Variants in RAB27B observed in about 807,000 individuals in gnomAD.
The protein encoded by RAB27B is RAB27B, member RAS oncogene family, also known as ras-related protein Rab-27B.
RAB27B carries 15 observed loss-of-function variants against 24.6 expected under a neutral mutation model. That is an observed-to-expected ratio of 0.61 (90% confidence interval 0.41 to 0.94). The LOEUF is 0.94. Among genes scored for constraint, RAB27B ranks in the 40% least tolerant of loss-of-function variants. The pLI is 0.00. For synonymous variants in RAB27B, 105 were observed against 92.5 expected, an observed-to-expected ratio of 1.14 and a Z score of -0.78; for missense variants, 261 against 266.8, an observed-to-expected ratio of 0.98 and a Z score of 0.15.
chr18:54,834,299 G>T (rs1400194855), intron 1 of RAB27B, among the ~76,000 whole-genome samples: 1 of 152,168 alleles, frequency 6.6e-6, no homozygotes, highest in Non-Finnish European at 1.5e-5. Flanking sequence ...TTCATAGAAA[G>T]GAGATATAGA....
chr18:54,736,734 G>A (rs920921929), intron 2 of RAB27B, among the ~76,000 whole-genome samples: 2 of 152,104 alleles, frequency 1.3e-5, no homozygotes, highest in African/African-American at 4.8e-5. Flanking sequence ...GCTAAGGGGG[G>A]TTTTGGAGGG....
At chr18:54,812,765 A>G (rs1385113424) in intron 2 of RAB27B, among the ~76,000 whole-genome samples, 3 of 152,230 alleles carry the variant, frequency 2.0e-5, no homozygotes, top group Non-Finnish European at 4.4e-5. Context: ...ATGAAATACT[A>G]GAATAATTTA....
intron 1 of RAB27B, among the ~76,000 whole-genome samples, chr18:54,844,408 CTTTT>C (rs148747981): frequency 1.5e-3 from 162 of 107,868 alleles, no homozygotes; most frequent in Middle Eastern, 4.5e-3. Context: ...CTTTTCTTTT[CTTTT>C]TTTTTTTTTT....
intron 1 of RAB27B, among the ~76,000 whole-genome samples, chr18:54,831,720 C>T (rs986740122): frequency 5.2e-4 from 79 of 151,954 alleles, no homozygotes; most frequent in African/African-American, 1.9e-3. Context: ...TGAGAGTGAC[C>T]TGAAGGGGAC....
intron 1 of RAB27B, among the ~76,000 whole-genome samples, chr18:54,850,486 C>T (rs1046321447): frequency 2.0e-5 from 3 of 150,970 alleles, no homozygotes; most frequent in Non-Finnish European, 3.0e-5. Flanking sequence ...ATTCTCTCAG[C>T]CTCCCAAATA....
intron 2 of RAB27B, among the ~76,000 whole-genome samples, chr18:54,760,019 C>T (rs1182992276): frequency 6.6e-6 from 1 of 152,162 alleles, no homozygotes; most frequent in Non-Finnish European, 1.5e-5. Flanking sequence ...GACTGTCAAA[C>T]CGAGCTGTTA....
upstream of RAB27B, among the ~76,000 whole-genome samples, chr18:54,826,251 G>A (rs971588966): frequency 6.6e-6 from 1 of 152,128 alleles, no homozygotes; most frequent in Non-Finnish European, 1.5e-5. Flanking sequence ...CTTAAGTTAT[G>A]CTACATAAAC....
At position 54,879,393 on chromosome 18, in the gene RAB27B, G is replaced by A. The variant is rs1912831845; in HGVS notation, c.178G>A (p.Gly60Arg). The A allele has an allele frequency of 6.2e-7, 1 of 1,612,612 alleles. No homozygotes were observed. The highest frequency in any genetic ancestry group is 1.1e-5 in the South Asian group (1 of 91,040). ...GGTTTATAATGCACAAGGACCGAAT[G>A]GATCTTCAGGGAAAGCATTTAAAGT... ...RVVYNAQGPN[G>R]SSGKAFKVHL... The change falls in exon 3 of 6, where the codon GGA becomes AGA. Residue 60 changes from glycine to arginine, a missense_variant. Transcript: ENST00000262094.
chr18:54,857,036 G>A (rs1490949403), intron 1 of RAB27B, among the ~76,000 whole-genome samples: 1 of 152,058 alleles, frequency 6.6e-6, no homozygotes, highest in Non-Finnish European at 1.5e-5. Flanking sequence ...TGGGTTTAGG[G>A]ATCTACATGC....
intron 2 of RAB27B, among the ~76,000 whole-genome samples, chr18:54,756,676 A>G (rs1908014930): frequency 6.6e-6 from 1 of 152,088 alleles, no homozygotes; most frequent in South Asian, 2.1e-4. Flanking sequence ...ACTTTGATGT[A>G]TATTTGTCTG....
In RAB27B at chr18:54,833,518, C is replaced by T. The variant is rs969577363; in HGVS notation, c.-20+4818C>T. 5.3e-4 allele frequency among the ~76,000 whole-genome samples: 81 copies of T among 152,130 alleles called. 1 individual carries two copies. The highest frequency in any genetic ancestry group is 1.3e-4 in the Non-Finnish European group (9 of 68,022). The stretch of plus-strand genomic sequence containing the variant: ...CTGGGATTACAGGTGTGTACAACTG[C>T]ACCCGGCCATGAATCCCTCTTCTTT... On this transcript the variant is annotated intron_variant, in intron 1 of 5. Transcript: ENST00000262094.
Position 54,893,402 on chromosome 18 carries a change from C to T in RAB27B, c.*3989C>T, listed in dbSNP as rs1050828644. 5 of 152,048 alleles carry T rather than the reference C, an allele frequency of 3.3e-5. No individual in the cohort carries two copies. Among genetic ancestry groups the T allele is most frequent in the South Asian group, 4.1e-4 (2 of 4,822 alleles). 9.4% of individuals were successfully genotyped at this position (152,048 alleles called of 1,614,324 possible). A position where few individuals can be genotyped will look rare whatever the true frequency, so the allele number is the denominator to read the frequency against. ...AGAGTTGTTTTTTCCTCTCTACTAC[C>T]AAGCTTTAAGACATTAAAAGAAGTC... On this transcript the variant is annotated 3_prime_UTR_variant, in exon 6 of 6. Transcript: ENST00000262094.
At chr18:54,859,814 A>G (rs138407847) in intron 1 of RAB27B, among the ~76,000 whole-genome samples, 3 of 152,378 alleles carry the variant, frequency 2.0e-5, no homozygotes, top group African/African-American at 7.2e-5. Flanking sequence ...GAAGTAAACA[A>G]TAGACTCATT....
intron 2 of RAB27B, among the ~76,000 whole-genome samples, chr18:54,740,356 G>C (rs1406644054): frequency 1.3e-5 from 2 of 152,142 alleles, no homozygotes; most frequent in Non-Finnish European, 2.9e-5. Context: ...TGAAGGAAAT[G>C]ATGAGTCATT....
At chr18:54,801,883 G>T (rs1034601806) in intron 2 of RAB27B, among the ~76,000 whole-genome samples, 1 of 152,140 alleles carries the variant, frequency 6.6e-6, no homozygotes, top group African/African-American at 2.4e-5. Context: ...TATTAAAATT[G>T]TCAGTCCTAT....
At chr18:54,766,109 G>A (rs1908353698) in intron 2 of RAB27B, among the ~76,000 whole-genome samples, 3 of 152,096 alleles carry the variant, frequency 2.0e-5, no homozygotes, top group Admixed American at 2.0e-4. Flanking sequence ...GAGAATTCCT[G>A]GAGTTCAGTC....
At chr18:54,841,277 G>A (rs545942301) in intron 1 of RAB27B, among the ~76,000 whole-genome samples, 1 of 151,542 alleles carries the variant, frequency 6.6e-6, no homozygotes, top group South Asian at 2.1e-4. Flanking sequence ...AAAAATAAAT[G>A]ATTGCATCTG....
chr18:54,868,788 G>A (rs1222174617), intron 1 of RAB27B, among the ~76,000 whole-genome samples: 3 of 152,024 alleles, frequency 2.0e-5, no homozygotes, highest in Non-Finnish European at 4.4e-5. Context: ...CACCACGCCT[G>A]GCAAATTTTT....
intron 1 of RAB27B, among the ~76,000 whole-genome samples, chr18:54,877,354 A>G (rs1378955051): frequency 6.6e-6 from 1 of 152,196 alleles, no homozygotes; most frequent in Non-Finnish European, 1.5e-5. Flanking sequence ...ATTTTTCCGT[A>G]TTAGGTGATA....
Sources: gnomAD v4.1 joint callset for allele counts (sites outside exome capture counted in the v4.1 genomes callset) on GRCh38, gnomAD v4.1.1 for gene constraint, MANE v1.5 for transcripts, NCBI Gene and HGNC (gene_info 2026-07-23, HGNC 2026-07-21) for gene names.